The following GADL1 variants were observed in gnomAD, a reference collection of about 807,000 sequenced individuals.
GADL1 encodes acidic amino acid decarboxylase GADL1.
In GADL1, 71 loss-of-function variants were observed where a neutral mutation model predicts 69.5. That is an observed-to-expected ratio of 1.02 (90% CI 0.84 to 1.25). The LOEUF (loss-of-function observed/expected upper bound fraction) is 1.25. Among genes scored for constraint, GADL1 ranks in the 50% most tolerant of loss-of-function variants. The pLI, the probability that GADL1 is intolerant of heterozygous loss-of-function variation, is 0.00. For synonymous variants in GADL1, 254 were observed against 214.4 expected (o/e 1.18, Z -1.62); for missense variants, 737 against 631.8 (o/e 1.17, Z -1.79).
intron 1 of GADL1, among the ~76,000 whole-genome samples, chr3:30,891,121 A>G (rs1422065538): frequency 6.6e-6 from 1 of 152,002 alleles, no homozygotes; most frequent in African/African-American, 2.4e-5. Flanking sequence ...GTACTGCCTT[A>G]TAAAATGGAT....
chr3:30,831,998 G>A (rs1425836913), intron 11 of GADL1, among the ~76,000 whole-genome samples: 1 of 151,862 alleles, frequency 6.6e-6, no homozygotes, highest in Non-Finnish European at 1.5e-5. Context: ...AATGCTATAA[G>A]AGCCTAGACT....
At chr3:30,868,348 CA>C (rs1698433353) in intron 1 of GADL1, among the ~76,000 whole-genome samples, 1 of 151,988 alleles carries the variant, frequency 6.6e-6, no homozygotes. Flanking sequence ...GGTGTGATCT[CA>C]CCAACTCTCA....
intron 1 of GADL1, among the ~76,000 whole-genome samples, chr3:30,883,233 T>C (rs974930292): frequency 1.9e-4 from 29 of 152,018 alleles, no homozygotes; most frequent in Non-Finnish European, 3.5e-4. Flanking sequence ...AAATCCAATG[T>C]CATAAGGCTT....
intron 14 of GADL1, among the ~76,000 whole-genome samples, chr3:30,752,693 GTGAC>G (rs1695855436): frequency 6.6e-6 from 1 of 152,210 alleles, no homozygotes; most frequent in African/African-American, 2.4e-5. Context: ...AAGGGAGAAA[GTGAC>G]TGTTCTAGAG....
chr3:30,859,302 G>C (rs1375277360), intron 2 of GADL1, among the ~76,000 whole-genome samples: 3 of 151,948 alleles, frequency 2.0e-5, no homozygotes, highest in African/African-American at 7.2e-5. Context: ...CTATAACCAT[G>C]ACAGGCAGAG....
At position 30,850,035 on chromosome 3, in the gene GADL1, C is replaced by G; in HGVS notation, c.612G>C (p.Leu204=). Residue 204 remains leucine, a synonymous_variant, in exon 6 of 15, where the codon CTG becomes CTC. Coordinates refer to ENST00000282538, the MANE Select transcript of GADL1 (RefSeq NM_207359.3). ...AAAGGATTAATCTTGGCGAACCAGA[C>G]AGCCCCTTTTCCTTAATATCAGGAC... is the stretch of plus-strand genomic sequence containing the variant. ...KYCPDIKEKG[L]SGSPRLILFT... 1.2e-6 allele frequency: 2 copies of G among 1,610,754 alleles called. No homozygotes were observed. Among genetic ancestry groups the G allele is most frequent in the Non-Finnish European group, 1.7e-6 (2 of 1,177,276 alleles).
intron 14 of GADL1, among the ~76,000 whole-genome samples, chr3:30,771,479 T>TC (rs1266394990): frequency 3.3e-5 from 5 of 152,204 alleles, no homozygotes; most frequent in Non-Finnish European, 7.3e-5. Context: ...CCAGCCACTA[T>TC]CCAAGTAAGG....
At chr3:30,892,015 T>A (rs1005187315) in intron 1 of GADL1, among the ~76,000 whole-genome samples, 6 of 152,194 alleles carry the variant, frequency 3.9e-5, no homozygotes, top group Admixed American at 3.9e-4. Flanking sequence ...TAAACATGTT[T>A]TAACAAGAAT....
rs1199876422 is a variant in GADL1, at chr3:30,861,614, T to G, written c.189A>C (p.Lys63Asn). 14 of 1,548,010 alleles carry G rather than the reference T, an allele frequency of 9.0e-6. No individual in the cohort carries two copies. The East Asian group carries it at 3.4e-4, about 38-fold the overall frequency. ...TTACCTTCTCATTGACATCTGTAGC[T>G]TTCAAAACCACCTCTTCCATTATTA... is the stretch of plus-strand genomic sequence containing the variant. ...CRLIMEEVVL[K>N]ATDVNEKVCE... Residue 63 changes from lysine to asparagine, a missense_variant, in exon 2 of 15, where the codon AAA becomes AAC. Physicochemically the swap from Lys to Asn is moderately conservative, Grantham distance 94. Transcript: ENST00000282538.
At chr3:30,826,938 G>A (rs1419294806) in intron 11 of GADL1, among the ~76,000 whole-genome samples, 1 of 151,828 alleles carries the variant, frequency 6.6e-6, no homozygotes, top group East Asian at 1.9e-4. Context: ...GCCAACGTGG[G>A]ATGGGATGAG....
chr3:30,865,071 C>T (rs1179532283), intron 1 of GADL1, among the ~76,000 whole-genome samples: 2 of 151,890 alleles, frequency 1.3e-5, no homozygotes, highest in African/African-American at 4.8e-5. Flanking sequence ...TCTCATGGAC[C>T]TCAAACCTCA....
intron 12 of GADL1, among the ~76,000 whole-genome samples, chr3:30,793,806 G>A (rs933322422): frequency 6.8e-6 from 1 of 146,528 alleles, no homozygotes; most frequent in Non-Finnish European, 1.5e-5. Context: ...TTCAGCAGCC[G>A]CTTAGCGCCT....
intron 14 of GADL1, among the ~76,000 whole-genome samples, chr3:30,771,293 C>T (rs1696414156): frequency 6.6e-6 from 1 of 152,146 alleles, no homozygotes; most frequent in Admixed American, 6.5e-5. Flanking sequence ...TGCAGAATGG[C>T]ATAAGAACAA....
intron 1 of GADL1, among the ~76,000 whole-genome samples, chr3:30,862,885 T>C (rs4245895): frequency 0.34 from 51,229 of 151,600 alleles, 9,087 homozygotes; most frequent in East Asian, 0.67. Flanking sequence ...GTTGTATTTT[T>C]CATTCTTGCA....
intron 14 of GADL1, among the ~76,000 whole-genome samples, chr3:30,773,018 G>GT (rs1225562681): frequency 2.9e-5 from 4 of 137,704 alleles, no homozygotes; most frequent in African/African-American, 1.4e-4. Context: ...TGTTAGGAAG[G>GT]AGGGGAGAGA....
In GADL1 at chr3:30,728,245, C is replaced by A; in HGVS notation, c.1563G>T (p.Met521Ile). 6.2e-7 allele frequency: 1 copy of A among 1,613,390 alleles called. No homozygotes were observed. Among genetic ancestry groups the A allele is most frequent in the Admixed American group, 1.7e-5 (1 of 59,980 alleles). Residue 521 changes from methionine (M) to isoleucine (I), a missense_variant, in exon 15 of 15, where the codon ATG (methionine) becomes ATT (isoleucine). Physicochemically the swap from Met to Ile is conservative, Grantham distance 10. Transcript: ENST00000282538. ...LDEIDLLGKD[M>I] is the part of the protein sequence containing the mutation. ...CTCTGGGGGACCAAAGCCACAGCTA[C>A]ATGTCTTTACCCAGTAAGTCTATCT...
intron 14 of GADL1, among the ~76,000 whole-genome samples, chr3:30,765,625 C>T (rs1281717372): frequency 1.3e-5 from 2 of 152,166 alleles, no homozygotes; most frequent in African/African-American, 2.4e-5. Flanking sequence ...GTTTAATGCT[C>T]AGCTGTCAGC....
At chr3:30,852,740 C>T (rs1326738550) in intron 4 of GADL1, among the ~76,000 whole-genome samples, 1 of 152,038 alleles carries the variant, frequency 6.6e-6, no homozygotes, top group African/African-American at 2.4e-5. Flanking sequence ...ATAGAACACA[C>T]TCATGGGTTG....
At chr3:30,731,839 C>T (rs1430087564) in intron 14 of GADL1, among the ~76,000 whole-genome samples, 2 of 152,182 alleles carry the variant, frequency 1.3e-5, no homozygotes, top group Non-Finnish European at 2.9e-5. Context: ...TCTATGAATA[C>T]TTCGCGGGAA....
Sources: gnomAD v4.1 joint callset for allele counts (sites outside exome capture counted in the v4.1 genomes callset) on GRCh38, gnomAD v4.1.1 for gene constraint, MANE v1.5 for transcripts, NCBI Gene and HGNC (gene_info 2026-07-23, HGNC 2026-07-21) for gene names.